PAPPA: variants seen among roughly 807,000 people sequenced by gnomAD.
PAPPA encodes pappalysin-1.
PAPPA carries 60 observed loss-of-function variants against 164.0 expected under a neutral mutation model. The ratio of observed to expected loss-of-function variants is 0.37; its 90% CI spans 0.30 to 0.45. The LOEUF is 0.45. PAPPA is among the 20% of genes least tolerant of loss of function. The pLI is 1.00. For missense variants in PAPPA, 1,782 were observed against 2,087.3 expected (o/e 0.85, Z 2.85); for synonymous variants, 875 against 814.1 (o/e 1.07, Z -1.27).
intron 9 of PAPPA, among the ~76,000 whole-genome samples, chr9:116,288,099 G>C (rs551064853): frequency 6.6e-6 from 1 of 152,174 alleles, no homozygotes; most frequent in African/African-American, 2.4e-5. Context: ...GGCCAGGCGC[G>C]ATGGCTTACA....
chr9:116,250,524 A>G (rs1025581682), intron 7 of PAPPA, among the ~76,000 whole-genome samples: 1 of 152,170 alleles, frequency 6.6e-6, no homozygotes, highest in African/African-American at 2.4e-5. Context: ...GGAGTAAGTG[A>G]TATTCAAAGT....
chr9:116,340,122 G>A (rs1350941063), intron 13 of PAPPA, among the ~76,000 whole-genome samples: 5 of 152,166 alleles, frequency 3.3e-5, no homozygotes, highest in Non-Finnish European at 7.3e-5. Context: ...TCAAAGAAGT[G>A]TCTTCATTTT....
At chr9:116,335,868 C>T (rs1321404514) in intron 13 of PAPPA, among the ~76,000 whole-genome samples, 1 of 152,136 alleles carries the variant, frequency 6.6e-6, no homozygotes, top group African/African-American at 2.4e-5. Context: ...TTACATGTTG[C>T]ACTATAGATA....
chr9:116,338,640 A>C (rs948670621), intron 13 of PAPPA, among the ~76,000 whole-genome samples: 7 of 152,236 alleles, frequency 4.6e-5, no homozygotes, highest in Admixed American at 4.6e-4. Flanking sequence ...CCCACAAAGG[A>C]ATTAGTGCCT....
chr9:116,365,612 AT>A (rs35415996), intron 18 of PAPPA, among the ~76,000 whole-genome samples: 60,618 of 135,074 alleles, frequency 0.45, 13,081 homozygotes, highest in South Asian at 0.58. Flanking sequence ...CAGAGGCTGC[AT>A]TTTTTTTTTT....
intron 2 of PAPPA, 86 bp from the exon 3 acceptor site, chr9:116,207,370 C>A: frequency 9.3e-7 from 1 of 1,077,228 alleles, no homozygotes; most frequent in Non-Finnish European, 1.3e-6. Flanking sequence ...AAATGCCTGG[C>A]ACTCATAGTA....
At chr9:116,273,424 T>C (rs1160366753) in intron 9 of PAPPA, among the ~76,000 whole-genome samples, 1 of 152,238 alleles carries the variant, frequency 6.6e-6, no homozygotes. Context: ...AGTTCAGTGA[T>C]GACAGCAGAG....
intron 1 of PAPPA, among the ~76,000 whole-genome samples, chr9:116,158,447 G>A (rs1297658271): frequency 6.6e-6 from 1 of 152,142 alleles, no homozygotes; most frequent in Non-Finnish European, 1.5e-5. Flanking sequence ...TGGAATCTCT[G>A]CCCCTAACTA....
intron 1 of PAPPA, among the ~76,000 whole-genome samples, chr9:116,155,352 G>A (rs1476005723): frequency 6.6e-6 from 1 of 152,192 alleles, no homozygotes; most frequent in Non-Finnish European, 1.5e-5. Context: ...CTGTTCCACA[G>A]CAAAGCCTAT....
intron 21 of PAPPA, among the ~76,000 whole-genome samples, chr9:116,385,054 T>C (rs1846788748): frequency 6.6e-6 from 1 of 151,724 alleles, no homozygotes; most frequent in African/African-American, 2.4e-5. Context: ...GCCAAGATGG[T>C]GAAACCCCGT....
At chr9:116,312,288 CT>C (rs5900201) in intron 10 of PAPPA, among the ~76,000 whole-genome samples, 10,360 of 129,560 alleles carry the variant, frequency 0.08, 318 homozygotes, top group East Asian at 0.23. Context: ...TTCTTTCTTT[CT>C]TTTTTTTTTT....
At chr9:116,250,439 T>C (rs899872633) in intron 7 of PAPPA, among the ~76,000 whole-genome samples, 1 of 152,204 alleles carries the variant, frequency 6.6e-6, no homozygotes, top group African/African-American at 2.4e-5. Flanking sequence ...GACTCAGCCA[T>C]TAATTTGCCA....
chr9:116,178,872 C>T (rs1843867791), intron 1 of PAPPA, among the ~76,000 whole-genome samples: 1 of 152,216 alleles, frequency 6.6e-6, no homozygotes, highest in Non-Finnish European at 1.5e-5. Flanking sequence ...AATCCCCCAA[C>T]CTTTCTACGT....
At chr9:116,392,257 CT>C (rs111616508) in intron 21 of PAPPA, among the ~76,000 whole-genome samples, 59 of 152,136 alleles carry the variant, frequency 3.9e-4, no homozygotes, top group African/African-American at 1.2e-3. Flanking sequence ...AAGAAAATAC[CT>C]TTTTTTTCCC....
intron 10 of PAPPA, among the ~76,000 whole-genome samples, chr9:116,329,921 CAGG>C (rs966427420): frequency 1.3e-5 from 2 of 152,330 alleles, no homozygotes; most frequent in African/African-American, 4.8e-5. Context: ...TCTCCACCAA[CAGG>C]AGAACATATA....
chr9:116,252,901 C>T (rs111359035), intron 7 of PAPPA, among the ~76,000 whole-genome samples: 4 of 152,172 alleles, frequency 2.6e-5, no homozygotes, highest in African/African-American at 9.6e-5. Flanking sequence ...GAGCACTATA[C>T]TTATCACTCA....
chr9:116,174,991 C>T (rs1406168982), intron 1 of PAPPA, among the ~76,000 whole-genome samples: 1 of 152,186 alleles, frequency 6.6e-6, no homozygotes, highest in Non-Finnish European at 1.5e-5. Context: ...TTACCACAGT[C>T]ATCTTCTTTC....
chr9:116,154,100 G>T lies in PAPPA; in HGVS notation c.-73G>T. 1 of 1,144,250 alleles carries T rather than the reference G, an allele frequency of 8.7e-7. No homozygotes were observed. The highest frequency in any genetic ancestry group is 1.7e-5 in the South Asian group (1 of 59,278). The allele number at this position is 1,144,250 out of a possible 1,614,324, so 70.9% of individuals were successfully genotyped here. A position where few individuals can be genotyped will look rare whatever the true frequency, so the allele number is the denominator to read the frequency against. On this transcript the variant is annotated 5_prime_UTR_variant, in exon 1 of 22. Coordinates refer to ENST00000328252, the MANE Select transcript of PAPPA (RefSeq NM_002581.5). The surrounding 1 kb of genome is among the most constrained non-coding windows in gnomAD (Gnocchi z 5.2). ...GTGAAGAAGCGAAGAAAGTCGAGGC[G>T]CCGAGGCTCCCAAAGCTGGCAGCTC... is the stretch of plus-strand genomic sequence containing the variant.
intron 5 of PAPPA, among the ~76,000 whole-genome samples, chr9:116,227,070 T>C (rs1191339447): frequency 6.6e-6 from 1 of 152,186 alleles, no homozygotes; most frequent in East Asian, 1.9e-4. Context: ...GAGAACGAAA[T>C]GGAGCAAGAG....
Sources: allele counts gnomAD v4.1 joint callset (sites outside exome capture counted in the v4.1 genomes callset), GRCh38; gene constraint gnomAD v4.1.1; non-coding constraint Gnocchi (gnomAD v3.1); transcripts MANE v1.5; gene names NCBI Gene and HGNC (gene_info 2026-07-23, HGNC 2026-07-21).